PAPPA2: variants seen among roughly 807,000 people sequenced by gnomAD.
The protein encoded by PAPPA2 is pappalysin-2.
Under a neutral mutation model 176.4 loss-of-function variants are expected in PAPPA2, and 86 were observed. That is an observed-to-expected ratio of 0.49 (90% CI 0.41 to 0.58). The LOEUF (loss-of-function observed/expected upper bound fraction) is 0.58. Ranked by LOEUF, PAPPA2 falls within the 20% of genes least tolerant of loss-of-function variation. PAPPA2 has a pLI of 0.00. For missense variants in PAPPA2, 2,073 were observed against 2,256.9 expected (o/e 0.92, Z 1.65); for synonymous variants, 809 against 852.2 (o/e 0.95, Z 0.88).
intron 3 of PAPPA2, among the ~76,000 whole-genome samples, chr1:176,623,618 C>CTTTCTTTCTTTCTTTCTTT (rs1558479058): frequency 6.1e-4 from 46 of 75,304 alleles, no homozygotes; most frequent in Middle Eastern, 7.7e-3. Flanking sequence ...TTCCTTCCTT[C>CTTTCTTTCTTTCTTTCTTT]CTTCCTTTTT....
intron 1 of PAPPA2, among the ~76,000 whole-genome samples, chr1:176,483,247 A>C (rs1038585187): frequency 1.3e-5 from 2 of 152,194 alleles, no homozygotes; most frequent in South Asian, 2.1e-4. Context: ...CCCAATCAGA[A>C]GCGACACTAG....
intron 17 of PAPPA2, among the ~76,000 whole-genome samples, chr1:176,771,974 T>G (rs186173292): frequency 6.6e-6 from 1 of 152,298 alleles, no homozygotes. Context: ...GGTCTCATTC[T>G]TATCCTTTTA....
intron 1 of PAPPA2, among the ~76,000 whole-genome samples, chr1:176,475,896 CCTAA>C (rs1231538979): frequency 6.6e-6 from 1 of 152,090 alleles, no homozygotes; most frequent in Non-Finnish European, 1.5e-5. Context: ...CATTGAGACA[CCTAA>C]CTAATACCTA....
chr1:176,641,584 G>T (rs1379614318), intron 3 of PAPPA2, among the ~76,000 whole-genome samples: 1 of 151,814 alleles, frequency 6.6e-6, no homozygotes, highest in Non-Finnish European at 1.5e-5. Flanking sequence ...GCTGTTTTTG[G>T]TTACTGTAGC....
At chr1:176,671,742 T>A (rs963427442) in intron 4 of PAPPA2, among the ~76,000 whole-genome samples, 3 of 151,992 alleles carry the variant, frequency 2.0e-5, no homozygotes, top group African/African-American at 7.2e-5. Context: ...TAAAAAATGA[T>A]GAGTTCATGT....
At chr1:176,796,799 T>G (rs990651060) in intron 20 of PAPPA2, among the ~76,000 whole-genome samples, 87 of 150,724 alleles carry the variant, frequency 5.8e-4, no homozygotes, top group East Asian at 4.7e-3. Flanking sequence ...TCTTTCTTCC[T>G]CCCTCTCTCT....
intron 3 of PAPPA2, among the ~76,000 whole-genome samples, chr1:176,596,450 T>G (rs1263280413): frequency 3.3e-5 from 5 of 152,202 alleles, no homozygotes; most frequent in African/African-American, 1.2e-4. Context: ...AATATTCCCA[T>G]GGTGGGCTCT....
rs555496440 is a variant in PAPPA2, at chr1:176,717,237, C to T, written c.3798+5256C>T. ...AGCAGGATCTGGTTGAAACAGCCTACAGTGAAGAAGCCAGCCAAAACCAGC... is the reference window on the plus strand; with the variant it reads ...AGCAGGATCTGGTTGAAACAGCCTATAGTGAAGAAGCCAGCCAAAACCAGC... On this transcript the variant is annotated intron_variant, in intron 12 of 22. Transcript: ENST00000367662. Among the ~76,000 whole-genome samples, 5 of 152,228 alleles carry T rather than the reference C, an allele frequency of 3.3e-5. No homozygotes were observed. In the South Asian group the frequency reaches 1.0e-3, roughly 32 times the overall value.
intron 17 of PAPPA2, among the ~76,000 whole-genome samples, chr1:176,788,659 T>C (rs1665045052): frequency 2.0e-5 from 3 of 152,166 alleles, no homozygotes; most frequent in African/African-American, 7.2e-5. Flanking sequence ...CCTAATTCCA[T>C]TGACTCCAAT....
At chr1:176,562,896 T>C (rs894169781) in intron 2 of PAPPA2, among the ~76,000 whole-genome samples, 3 of 152,194 alleles carry the variant, frequency 2.0e-5, no homozygotes, top group African/African-American at 7.2e-5. Flanking sequence ...TGACCCTTTT[T>C]CTCGAAGCCT....
chr1:176,740,035 C>G lies in PAPPA2; in HGVS notation c.3990C>G (p.His1330Gln). The change falls in exon 14 of 23, where the codon CAC (histidine) becomes CAG (glutamine). Residue 1330 changes from histidine to glutamine, a missense_variant. Coordinates refer to ENST00000367662, the MANE Select transcript of PAPPA2 (RefSeq NM_020318.3). Reference sequence around the variant, plus strand: ...CACTGATTATCAATGTGACCCATCACCAGAATGTCCTTTTCCACCATACCA... The same window carrying G: ...CACTGATTATCAATGTGACCCATCAGCAGAATGTCCTTTTCCACCATACCA... ...HNPLIINVTH[H>Q]QNVLFHHTTS... The G allele has an allele frequency of 6.2e-7, 1 of 1,613,978 alleles. No homozygotes were observed. Among genetic ancestry groups the G allele is most frequent in the Non-Finnish European group, 8.5e-7 (1 of 1,179,904 alleles).
At chr1:176,555,059 T>C (rs1316834418) in intron 1 of PAPPA2, among the ~76,000 whole-genome samples, 1 of 151,594 alleles carries the variant, frequency 6.6e-6, no homozygotes, top group East Asian at 1.9e-4. Context: ...TCCAAAACAC[T>C]ATTGATTTTT....
intron 3 of PAPPA2, among the ~76,000 whole-genome samples, chr1:176,640,554 G>A (rs1456568444): frequency 6.6e-6 from 1 of 151,488 alleles, no homozygotes; most frequent in Admixed American, 6.6e-5. Context: ...ATTCCATGGT[G>A]TATATGTGCC....
chr1:176,839,568 A>T (rs1557904873), intron 21 of PAPPA2, among the ~76,000 whole-genome samples: 1 of 152,158 alleles, frequency 6.6e-6, no homozygotes, highest in Non-Finnish European at 1.5e-5. Context: ...TGCGGGCTGG[A>T]CAGACACCAT....
chr1:176,776,779 C>T (rs1664477045), intron 17 of PAPPA2, among the ~76,000 whole-genome samples: 1 of 151,266 alleles, frequency 6.6e-6, no homozygotes, highest in Admixed American at 6.6e-5. Flanking sequence ...ACACAATACC[C>T]CATAATTTCT....
At position 176,555,481 on chromosome 1, in the gene PAPPA2, C is replaced by T. The variant is rs1427773151; in HGVS notation, c.-842C>T. 1 of 152,142 alleles carries T rather than the reference C, an allele frequency of 6.6e-6. No homozygotes were observed. Among genetic ancestry groups the T allele is most frequent in the Non-Finnish European group, 1.5e-5 (1 of 68,050 alleles). 9.4% of individuals were successfully genotyped at this position (152,142 alleles called of 1,614,324 possible). On this transcript the variant is annotated 5_prime_UTR_variant, in exon 2 of 23. Transcript: ENST00000367662. ...AGGTTATTAGAACAGCAAACTGGCA[C>T]CCCAAAGAACTTTACGGAGACTTGC...
intron 14 of PAPPA2, among the ~76,000 whole-genome samples, chr1:176,750,673 T>C (rs1242165718): frequency 6.6e-6 from 1 of 152,170 alleles, no homozygotes; most frequent in Non-Finnish European, 1.5e-5. Flanking sequence ...ATTTGATATA[T>C]TAAATGTATT....
At chr1:176,764,651 C>T (rs1663857993) in intron 14 of PAPPA2, among the ~76,000 whole-genome samples, 1 of 148,728 alleles carries the variant, frequency 6.7e-6, no homozygotes, top group Non-Finnish European at 1.5e-5. Flanking sequence ...GGCTGGAGTG[C>T]AGTGGCGAGA....
chr1:176,723,996 A>G (rs1571229980), intron 12 of PAPPA2, among the ~76,000 whole-genome samples: 2 of 152,168 alleles, frequency 1.3e-5, no homozygotes, highest in Non-Finnish European at 1.5e-5. Flanking sequence ...CTTTTTCTAC[A>G]TCACTCAAGA....
Sources: allele counts gnomAD v4.1 joint callset (sites outside exome capture counted in the v4.1 genomes callset), GRCh38; gene constraint gnomAD v4.1.1; transcripts MANE v1.5; gene names NCBI Gene and HGNC (gene_info 2026-07-23, HGNC 2026-07-21).